SIPA1L1: variants seen among roughly 807,000 people sequenced by gnomAD.
The protein encoded by SIPA1L1 is signal-induced proliferation-associated 1-like protein 1.
In SIPA1L1, 26 loss-of-function variants were observed where a neutral mutation model predicts 162.7. The observed-to-expected ratio is 0.16, with a 90% CI of 0.12 to 0.22. The LOEUF is 0.22. Ranked by LOEUF, SIPA1L1 falls within the 10% of genes least tolerant of loss-of-function variation. The probability of loss-of-function intolerance (pLI) is 1.00; values close to 1 mark genes in which losing one functional copy is unlikely to be tolerated. For missense variants in SIPA1L1, 1,874 were observed against 2,241.0 expected (o/e 0.84, Z 3.31); for synonymous variants, 829 against 837.4 (o/e 0.99, Z 0.17).
chr14:71,401,130 T>C (rs1213707848), intron 2 of SIPA1L1, among the ~76,000 whole-genome samples: 1 of 152,222 alleles, frequency 6.6e-6, no homozygotes, highest in African/African-American at 2.4e-5. Flanking sequence ...TTCTGATTTG[T>C]TGTTTAGCTT....
chr14:71,620,541 T>G (rs1294178174), intron 6 of SIPA1L1, among the ~76,000 whole-genome samples: 1 of 152,240 alleles, frequency 6.6e-6, no homozygotes, highest in Non-Finnish European at 1.5e-5. Flanking sequence ...CACTTGTTCA[T>G]CCTATCCTTC....
At chr14:71,412,700 G>A (rs913261601) in intron 2 of SIPA1L1, among the ~76,000 whole-genome samples, 20 of 152,186 alleles carry the variant, frequency 1.3e-4, no homozygotes, top group African/African-American at 4.6e-4. Context: ...AAACTACTAA[G>A]TTCTGATGAT....
chr14:71,356,974 A>T (rs2037336417), intron 2 of SIPA1L1, among the ~76,000 whole-genome samples: 1 of 152,146 alleles, frequency 6.6e-6, no homozygotes, highest in South Asian at 2.1e-4. Context: ...TAGTTATTTG[A>T]AGAATATTGA....
At chr14:71,329,125 A>G (rs1442398126) in intron 2 of SIPA1L1, among the ~76,000 whole-genome samples, 1 of 152,196 alleles carries the variant, frequency 6.6e-6, no homozygotes, top group East Asian at 1.9e-4. Context: ...TAAAGGTTTA[A>G]TAGTATTCCG....
chr14:71,327,906 T>G (rs760623444), intron 2 of SIPA1L1, among the ~76,000 whole-genome samples: 2 of 152,110 alleles, frequency 1.3e-5, no homozygotes, highest in Admixed American at 6.5e-5. Flanking sequence ...GCTTGTGTGT[T>G]TGTTTGTGTA....
At chr14:71,361,615 C>T (rs1430158264) in intron 2 of SIPA1L1, among the ~76,000 whole-genome samples, 4 of 152,128 alleles carry the variant, frequency 2.6e-5, no homozygotes, top group Admixed American at 2.0e-4. Flanking sequence ...GGGCCTTTTT[C>T]TACTACGTGG....
intron 22 of SIPA1L1, 40 bp from the exon 23 acceptor site, chr14:71,738,201 G>T: frequency 9.0e-7 from 1 of 1,105,576 alleles, no homozygotes; most frequent in Non-Finnish European, 1.3e-6. Flanking sequence ...CCCAGCCATG[G>T]AGGCCCCTGC....
rs555247374 is a variant in SIPA1L1 at position 71,411,659 on chromosome 14, G to T, written c.-465+90478G>T. Reference sequence around the variant, plus strand: ...GAGGTTGCAATGAGTGGGAGCTCCCGACTGGAGTCCTGCCTCTGGCACAGG... The same window carrying T: ...GAGGTTGCAATGAGTGGGAGCTCCCTACTGGAGTCCTGCCTCTGGCACAGG... On this transcript the variant is annotated intron_variant, in intron 2 of 23. Transcript: ENST00000381232. 5.3e-5 allele frequency among the ~76,000 whole-genome samples: 8 copies of T among 152,320 alleles called. No individual in the cohort carries two copies. In the East Asian group the frequency reaches 1.2e-3, roughly 22 times the overall value.
At chr14:71,341,921 T>A (rs769347234) in intron 2 of SIPA1L1, among the ~76,000 whole-genome samples, 4 of 152,170 alleles carry the variant, frequency 2.6e-5, no homozygotes, top group Non-Finnish European at 4.4e-5. Context: ...GAACACCTCC[T>A]TTGATTCCAT....
chr14:71,610,575 C>T (rs572255428), intron 5 of SIPA1L1, among the ~76,000 whole-genome samples: 2 of 152,270 alleles, frequency 1.3e-5, no homozygotes, highest in East Asian at 3.9e-4. Flanking sequence ...GGCCATTTGT[C>T]ATAGACTGAT....
At chr14:71,736,387 A>G (rs1414692684) in intron 22 of SIPA1L1, among the ~76,000 whole-genome samples, 1 of 152,108 alleles carries the variant, frequency 6.6e-6, no homozygotes, top group Non-Finnish European at 1.5e-5. Context: ...ACACAGCGAA[A>G]CTCTGTCTTA....
intron 3 of SIPA1L1, among the ~76,000 whole-genome samples, chr14:71,521,710 G>C (rs2052372245): frequency 6.6e-6 from 1 of 152,216 alleles, no homozygotes. Flanking sequence ...TATAGCATAT[G>C]CCTATGTTCA....
Position 71,734,607 on chromosome 14 carries a change from G to A in SIPA1L1, c.5009-670G>A, listed in dbSNP as rs983109956. The stretch of plus-strand genomic sequence containing the variant: ...TTAATTTTGGGGAGAAATGTACTAG[G>A]CCACAGAATCTGTACGTCGGGCAAC... On this transcript the variant is annotated intron_variant, in intron 21 of 23. Coordinates refer to ENST00000381232, the MANE Select transcript of SIPA1L1 (RefSeq NM_001386936.1). Among the ~76,000 whole-genome samples the A allele has an allele frequency of 9.2e-5, 14 of 152,226 alleles. No homozygotes were observed. In the East Asian group the frequency reaches 2.7e-3, roughly 29 times the overall value.
chr14:71,374,327 TTATA>T (rs1185539015), intron 2 of SIPA1L1, among the ~76,000 whole-genome samples: 3 of 152,184 alleles, frequency 2.0e-5, no homozygotes, highest in South Asian at 2.1e-4. Flanking sequence ...TTGTAATTAT[TTATA>T]TACTCTTATA....
chr14:71,674,657 C>G (rs376967579), intron 12 of SIPA1L1, among the ~76,000 whole-genome samples: 23 of 150,380 alleles, frequency 1.5e-4, no homozygotes, highest in Non-Finnish European at 3.4e-4. Context: ...CTCCGCCTCC[C>G]GGGTTCACGC....
At chr14:71,351,438 G>GA (rs1337572801) in intron 2 of SIPA1L1, among the ~76,000 whole-genome samples, 1 of 151,968 alleles carries the variant, frequency 6.6e-6, no homozygotes, top group Admixed American at 6.6e-5. Flanking sequence ...TTATGTGAAG[G>GA]AAAAAAATGG....
intron 5 of SIPA1L1, among the ~76,000 whole-genome samples, chr14:71,596,830 G>T (rs1361022591): frequency 6.6e-6 from 1 of 151,908 alleles, no homozygotes; most frequent in Non-Finnish European, 1.5e-5. Context: ...TTTCTCTTTT[G>T]TAATTTCAAT....
intron 13 of SIPA1L1, among the ~76,000 whole-genome samples, chr14:71,694,916 C>T (rs2081512839): frequency 6.6e-6 from 1 of 152,174 alleles, no homozygotes; most frequent in Admixed American, 6.5e-5. Flanking sequence ...GTGGGATGGA[C>T]AGAGATCCAG....
At chr14:71,330,665 G>T (rs2034421808) in intron 2 of SIPA1L1, 1 of 878,810 alleles carries the variant, frequency 1.1e-6, no homozygotes, top group Non-Finnish European at 2.0e-6. Context: ...TCTGGGTGGG[G>T]TACCCTCTCA....
Sources: gnomAD v4.1 joint callset for allele counts (sites outside exome capture counted in the v4.1 genomes callset) on GRCh38, gnomAD v4.1.1 for gene constraint, MANE v1.5 for transcripts, NCBI Gene and HGNC (gene_info 2026-07-23, HGNC 2026-07-21) for gene names.